SPAG16: variants seen among roughly 807,000 people sequenced by gnomAD.
The protein encoded by SPAG16 is sperm associated antigen 16.
Under a neutral mutation model 80.4 loss-of-function variants are expected in SPAG16, and 86 were observed. The observed-to-expected ratio is 1.07, with a 90% CI of 0.90 to 1.28. The LOEUF (loss-of-function observed/expected upper bound fraction) is 1.28. Among genes scored for constraint, SPAG16 ranks in the 50% most tolerant of loss-of-function variants. SPAG16 has a pLI of 0.00. For missense variants in SPAG16, 870 were observed against 765.3 expected, an observed-to-expected ratio of 1.14 and a Z score of -1.61; for synonymous variants, 294 against 265.9, an observed-to-expected ratio of 1.11 and a Z score of -1.03.
intron 12 of SPAG16, among the ~76,000 whole-genome samples, chr2:213,968,518 T>C (rs907833111): frequency 7.9e-5 from 12 of 152,222 alleles, no homozygotes; most frequent in African/African-American, 2.9e-4. Context: ...AAGCCTATAG[T>C]ATCAGGCTTC....
chr2:213,932,115 A>AT (rs1404539252), intron 12 of SPAG16, among the ~76,000 whole-genome samples: 1 of 145,120 alleles, frequency 6.9e-6, no homozygotes, highest in African/African-American at 2.6e-5. Flanking sequence ...GGAGCTATGT[A>AT]TGCTGTGTCA....
At chr2:213,968,503 C>T (rs1294518455) in intron 12 of SPAG16, among the ~76,000 whole-genome samples, 1 of 152,184 alleles carries the variant, frequency 6.6e-6, no homozygotes, top group Non-Finnish European at 1.5e-5. Context: ...TCAACTACTT[C>T]TTTTAAGCCT....
intron 11 of SPAG16, among the ~76,000 whole-genome samples, chr2:213,927,329 G>A (rs950528556): frequency 2.6e-5 from 4 of 152,162 alleles, no homozygotes; most frequent in Non-Finnish European, 5.9e-5. Flanking sequence ...GAGAGCTTTG[G>A]TTCCTTCTAT....
chr2:213,728,323 C>T (rs1304610855), intron 10 of SPAG16, among the ~76,000 whole-genome samples: 1 of 152,148 alleles, frequency 6.6e-6, no homozygotes, highest in Non-Finnish European at 1.5e-5. Flanking sequence ...TGTCTACTGC[C>T]TCCTTCTACC....
chr2:213,296,331 G>C (rs1284957444), intron 2 of SPAG16, among the ~76,000 whole-genome samples: 2 of 152,108 alleles, frequency 1.3e-5, no homozygotes, highest in Non-Finnish European at 2.9e-5. Flanking sequence ...TGATTTTCCT[G>C]TTAATCGTCC....
rs542989634 is a variant in SPAG16 at position 214,400,199 on chromosome 2, C to T, written c.1721-9941C>T. 5.1e-4 allele frequency among the ~76,000 whole-genome samples: 78 copies of T among 151,982 alleles called. 2 individuals carry two copies. In the South Asian group the frequency reaches 0.016, roughly 31 times the overall value. ...CACAGGCCAAAAGTTCTGTTCCTAG[C>T]AAGGTAGACTTAATTTTTTTGATAT... On this transcript the variant is annotated intron_variant, in intron 15 of 15. Coordinates refer to ENST00000331683, the MANE Select transcript of SPAG16 (RefSeq NM_024532.5).
intron 14 of SPAG16, among the ~76,000 whole-genome samples, chr2:214,119,172 A>C (rs1428801063): frequency 6.6e-6 from 1 of 152,198 alleles, no homozygotes. Context: ...CAATATTTAT[A>C]TATGGCCCTG....
chr2:213,317,162 T>G, intron 4 of SPAG16, 57 bp from the exon 5 acceptor site: 9 of 1,170,312 alleles, frequency 7.7e-6, no homozygotes, highest in Non-Finnish European at 1.1e-5. Context: ...TGTACATAAA[T>G]TAAGCCAATT....
intron 15 of SPAG16, among the ~76,000 whole-genome samples, chr2:214,216,566 C>T (rs554874854): frequency 2.0e-5 from 3 of 152,306 alleles, no homozygotes; most frequent in South Asian, 4.1e-4. Context: ...TTGATCTGCC[C>T]GCCTCGGCCT....
At chr2:214,403,425 T>C (rs4076788) in intron 15 of SPAG16, among the ~76,000 whole-genome samples, 130,800 of 150,318 alleles carry the variant, frequency 0.87, 57,011 homozygotes, top group Non-Finnish European at 0.9. Flanking sequence ...GTACCCAAAA[T>C]GGTATCATAT....
At chr2:214,236,373 C>G (rs771973564) in intron 15 of SPAG16, among the ~76,000 whole-genome samples, 6 of 152,152 alleles carry the variant, frequency 3.9e-5, no homozygotes, top group Non-Finnish European at 7.4e-5. Flanking sequence ...TAATTTTGGG[C>G]CAGGCTTGGT....
At chr2:213,433,824 C>T (rs1169193940) in intron 9 of SPAG16, among the ~76,000 whole-genome samples, 3 of 151,556 alleles carry the variant, frequency 2.0e-5, no homozygotes, top group Admixed American at 6.6e-5. Flanking sequence ...ACTGGAGGTA[C>T]TGCATTACCT....
At chr2:214,350,874 G>C (rs1011168399) in intron 15 of SPAG16, among the ~76,000 whole-genome samples, 7 of 152,106 alleles carry the variant, frequency 4.6e-5, no homozygotes, top group African/African-American at 1.7e-4. Flanking sequence ...TTTCTAAAAT[G>C]AATCCATGAA....
intron 9 of SPAG16, among the ~76,000 whole-genome samples, chr2:213,416,497 T>C (rs2069260544): frequency 6.6e-6 from 1 of 152,160 alleles, no homozygotes; most frequent in Non-Finnish European, 1.5e-5. Context: ...GTGGTGTGAA[T>C]ACAGCATGCT....
At chr2:213,674,328 A>T (rs2063944363) in intron 10 of SPAG16, among the ~76,000 whole-genome samples, 1 of 150,982 alleles carries the variant, frequency 6.6e-6, no homozygotes, top group African/African-American at 2.4e-5. Context: ...TCTTAAAGTC[A>T]TTGTAATCTA....
intron 10 of SPAG16, among the ~76,000 whole-genome samples, chr2:213,508,084 C>G (rs1311542239): frequency 6.6e-6 from 1 of 152,136 alleles, no homozygotes; most frequent in African/African-American, 2.4e-5. Flanking sequence ...ACCATTTGAC[C>G]CAGCCATCCC....
chr2:213,833,366 C>T (rs1303695397), intron 10 of SPAG16, among the ~76,000 whole-genome samples: 5 of 127,158 alleles, frequency 3.9e-5, no homozygotes, highest in African/African-American at 1.5e-4. Flanking sequence ...TTTATACCTA[C>T]AAGTGGAGAG....
intron 10 of SPAG16, among the ~76,000 whole-genome samples, chr2:213,741,257 T>G (rs891704780): frequency 1.1e-4 from 17 of 152,172 alleles, no homozygotes; most frequent in African/African-American, 3.9e-4. Context: ...ATAAGTATAT[T>G]TAATAATACA....
rs1491308938 is a variant in SPAG16 at position 213,387,429 on chromosome 2, C to CTTTTTTTTTTTTTTT, written c.942+12311_942+12312insTTTTTTTTTTTTTTT. Among the ~76,000 whole-genome samples, 11 of 71,758 alleles carry CTTTTTTTTTTTTTTT rather than the reference C, an allele frequency of 1.5e-4. 1 individual carries two copies. Among genetic ancestry groups the CTTTTTTTTTTTTTTT allele is most frequent in the Non-Finnish European group, 2.4e-4 (10 of 41,900 alleles). 47.1% of individuals were successfully genotyped at this position (71,758 alleles called of 152,430 possible). A position where few individuals can be genotyped will look rare whatever the true frequency, so the allele number is the denominator to read the frequency against. On this transcript the variant is annotated intron_variant, in intron 9 of 15. Transcript: ENST00000331683. ...TTTTTGGGTTGGAATGAAATGCATGCTCTTTTTTTTTTTTTTTTTTTTTTT... is the reference window on the plus strand; with the variant it reads ...TTTTTGGGTTGGAATGAAATGCATGCTTTTTTTTTTTTTTTTCTTTTTTTTTTTTTTTTTTTTTTT...
Sources: allele counts gnomAD v4.1 joint callset (sites outside exome capture counted in the v4.1 genomes callset), GRCh38; gene constraint gnomAD v4.1.1; transcripts MANE v1.5; gene names NCBI Gene and HGNC (gene_info 2026-07-23, HGNC 2026-07-21).